EDIL3: variants seen among roughly 807,000 people sequenced by gnomAD.
EDIL3 encodes the protein EGF-like repeat and discoidin I-like domain-containing protein 3.
Under a neutral mutation model 67.4 loss-of-function variants are expected in EDIL3, and 37 were observed. The ratio of observed to expected loss-of-function variants is 0.55; its 90% CI spans 0.42 to 0.72. The LOEUF (loss-of-function observed/expected upper bound fraction) is 0.72, where lower values mean the gene tolerates loss of function less well. EDIL3 is among the 30% of genes least tolerant of loss of function. EDIL3 has a pLI of 0.00. For synonymous variants in EDIL3, 195 were observed against 196.3 expected, an observed-to-expected ratio of 0.99 and a Z score of 0.05; for missense variants, 527 against 586.3, an observed-to-expected ratio of 0.90 and a Z score of 1.04.
intron 10 of EDIL3, among the ~76,000 whole-genome samples, chr5:83,962,631 C>G (rs1480960595): frequency 6.6e-6 from 1 of 151,372 alleles, no homozygotes; most frequent in African/African-American, 2.4e-5. Context: ...AAAAATAAAA[C>G]AAACCTATGA....
At chr5:84,291,694 A>C (rs1055566755) in intron 1 of EDIL3, among the ~76,000 whole-genome samples, 3 of 145,972 alleles carry the variant, frequency 2.1e-5, no homozygotes, top group African/African-American at 5.0e-5. Context: ...ATATATCTAT[A>C]TATCTATCTA....
chr5:84,141,110 G>GA (rs1396336441), intron 4 of EDIL3, among the ~76,000 whole-genome samples: 4 of 151,942 alleles, frequency 2.6e-5, no homozygotes, highest in African/African-American at 4.8e-5. Context: ...ATCATTGCCA[G>GA]AAAAAAGTCC....
chr5:83,993,041 TAAGAGAAAATCTTAAAATAGTCAATACGA>T (rs1369141782), intron 9 of EDIL3, among the ~76,000 whole-genome samples: 10 of 152,026 alleles, frequency 6.6e-5, no homozygotes, highest in Non-Finnish European at 1.3e-4. Flanking sequence ...CTTACCTAAA[TAAGAGAAAATCTTAAAATAGTCAATACGA>T]AACATTAGAA....
chr5:84,224,410 T>C (rs1744407419), intron 3 of EDIL3, among the ~76,000 whole-genome samples: 1 of 151,560 alleles, frequency 6.6e-6, no homozygotes, highest in Admixed American at 6.6e-5. Flanking sequence ...TTTATATGGA[T>C]TAGTTTATTT....
At chr5:84,042,236 C>T (rs1365061157) in intron 9 of EDIL3, among the ~76,000 whole-genome samples, 3 of 151,132 alleles carry the variant, frequency 2.0e-5, no homozygotes, top group Admixed American at 1.3e-4. Flanking sequence ...TAACCTTGTA[C>T]AAAAACCTTC....
chr5:84,242,793 T>TA (rs373595978), intron 2 of EDIL3, among the ~76,000 whole-genome samples: 13,693 of 120,818 alleles, frequency 0.11, 1,044 homozygotes, highest in Non-Finnish European at 0.15. Context: ...GACCCTATCT[T>TA]AAAAAAAAAA....
At chr5:84,174,120 A>G (rs1482170273) in intron 4 of EDIL3, among the ~76,000 whole-genome samples, 1 of 152,164 alleles carries the variant, frequency 6.6e-6, no homozygotes, top group East Asian at 1.9e-4. Flanking sequence ...GCCTACTGTG[A>G]GGGTGGAGAC....
intron 1 of EDIL3, among the ~76,000 whole-genome samples, chr5:84,334,861 T>C (rs1227193572): frequency 2.0e-5 from 3 of 152,196 alleles, no homozygotes; most frequent in Admixed American, 2.0e-4. Context: ...TCATGTGCTG[T>C]TTTGTGCTAT....
intron 2 of EDIL3, among the ~76,000 whole-genome samples, chr5:84,245,209 T>C (rs1396909714): frequency 2.0e-5 from 3 of 152,248 alleles, no homozygotes; most frequent in Non-Finnish European, 4.4e-5. Context: ...TATGGCCTAC[T>C]ACAGTAATCA....
intron 1 of EDIL3, among the ~76,000 whole-genome samples, chr5:84,335,166 G>A (rs987395056): frequency 4.6e-5 from 7 of 151,874 alleles, no homozygotes; most frequent in Non-Finnish European, 8.8e-5. Flanking sequence ...ACCTTCCCCC[G>A]GCTGAACCAC....
intron 1 of EDIL3, among the ~76,000 whole-genome samples, chr5:84,353,472 G>T (rs77767382): frequency 1.2e-3 from 182 of 152,266 alleles, no homozygotes; most frequent in African/African-American, 4.2e-3. Flanking sequence ...CTAGGATAAA[G>T]ACATTTTAAA....
intron 9 of EDIL3, among the ~76,000 whole-genome samples, chr5:84,015,820 G>T (rs1580280471): frequency 6.6e-6 from 1 of 152,148 alleles, no homozygotes; most frequent in African/African-American, 2.4e-5. Context: ...CTCTTGAGAA[G>T]TAAATGTTAA....
intron 3 of EDIL3, among the ~76,000 whole-genome samples, chr5:84,217,715 CACACAA>C (rs1472312735): frequency 8.0e-6 from 1 of 125,224 alleles, no homozygotes; most frequent in African/African-American, 3.3e-5. Flanking sequence ...ATCTATTATA[CACACAA>C]ACACACACAC....
At chr5:83,976,153 G>A (rs1030659080) in intron 9 of EDIL3, among the ~76,000 whole-genome samples, 1 of 151,826 alleles carries the variant, frequency 6.6e-6, no homozygotes, top group Non-Finnish European at 1.5e-5. Context: ...TCTGTATTTT[G>A]AAAAACATGG....
chr5:83,943,272 A>C lies in EDIL3; in HGVS notation c.*147T>G. On this transcript the variant is annotated 3_prime_UTR_variant, in exon 11 of 11. Coordinates refer to ENST00000296591, the MANE Select transcript of EDIL3 (RefSeq NM_005711.5). The stretch of plus-strand genomic sequence containing the variant: ...AAAGGCAGGCTTAGACCCCCTTAAA[A>C]ACACCGTTAGTTGCCTACCATAATT... 1.8e-6 allele frequency: 2 copies of C among 1,085,166 alleles called. No homozygotes were observed. Among genetic ancestry groups the C allele is most frequent in the South Asian group, 1.6e-5 (1 of 63,292 alleles). 67.2% of individuals were successfully genotyped at this position (1,085,166 alleles called of 1,614,324 possible).
chr5:84,149,793 GA>G (rs1209301036), intron 4 of EDIL3, among the ~76,000 whole-genome samples: 2 of 151,988 alleles, frequency 1.3e-5, no homozygotes, highest in African/African-American at 2.4e-5. Context: ...AACTTCCAGA[GA>G]TGAAACTAAC....
chr5:84,316,664 G>A (rs182002301), intron 1 of EDIL3, among the ~76,000 whole-genome samples: 122 of 152,238 alleles, frequency 8.0e-4, no homozygotes, highest in Admixed American at 1.4e-3. Flanking sequence ...AATAGTGGGA[G>A]ACTTTAAGAC....
chr5:84,071,287 A>C (rs933544956), intron 6 of EDIL3, among the ~76,000 whole-genome samples: 7 of 152,340 alleles, frequency 4.6e-5, no homozygotes, highest in African/African-American at 1.7e-4. Context: ...CTGGGACATG[A>C]ATTTTACCCT....
chr5:84,276,053 T>C (rs553659404), intron 1 of EDIL3, among the ~76,000 whole-genome samples: 3 of 152,186 alleles, frequency 2.0e-5, no homozygotes, highest in Non-Finnish European at 4.4e-5. Context: ...GGGATCTCTC[T>C]TACAGTCCTG....
Sources: allele counts gnomAD v4.1 joint callset (sites outside exome capture counted in the v4.1 genomes callset), GRCh38; gene constraint gnomAD v4.1.1; transcripts MANE v1.5; gene names NCBI Gene and HGNC (gene_info 2026-07-23, HGNC 2026-07-21).